The following NCAM1 variants were observed in gnomAD, a reference collection of about 807,000 sequenced individuals.
The protein encoded by NCAM1 is antigen recognized by monoclonal antibody 5.1H11.
Under a neutral mutation model 109.8 loss-of-function variants are expected in NCAM1, and 14 were observed. The ratio of observed to expected loss-of-function variants is 0.13; its 90% CI spans 0.08 to 0.20. The LOEUF is 0.20. NCAM1 is among the 10% of genes least tolerant of loss of function. The pLI, the probability that NCAM1 is intolerant of heterozygous loss-of-function variation, is 1.00. For synonymous variants in NCAM1, 418 were observed against 442.9 expected, an observed-to-expected ratio of 0.94 and a Z score of 0.70; for missense variants, 774 against 1,109.9, an observed-to-expected ratio of 0.70 and a Z score of 4.30.
At chr11:112,980,007 G>A (rs1028545169) in intron 1 of NCAM1, among the ~76,000 whole-genome samples, 11 of 151,654 alleles carry the variant, frequency 7.3e-5, no homozygotes, top group African/African-American at 2.4e-4. Flanking sequence ...GGAATAGAAA[G>A]TACTTCCTTG....
intron 1 of NCAM1, among the ~76,000 whole-genome samples, chr11:113,007,987 T>C (rs1951932012): frequency 2.0e-5 from 3 of 152,150 alleles, no homozygotes; most frequent in South Asian, 4.1e-4. Context: ...CCATAATAGG[T>C]GGAAAATAAA....
chr11:113,086,694 T>C (rs1354700390), intron 1 of NCAM1, among the ~76,000 whole-genome samples: 3 of 152,112 alleles, frequency 2.0e-5, no homozygotes, highest in Non-Finnish European at 4.4e-5. Flanking sequence ...TGCACCAGTT[T>C]AAGGTGAAAA....
chr11:113,122,773 A>C (rs925955134), intron 1 of NCAM1, among the ~76,000 whole-genome samples: 1 of 152,164 alleles, frequency 6.6e-6, no homozygotes, highest in Non-Finnish European at 1.5e-5. Flanking sequence ...AACAAGAGCG[A>C]AACTCCGTCT....
chr11:113,241,319 C>A (rs538011946), intron 14 of NCAM1, among the ~76,000 whole-genome samples: 1 of 152,330 alleles, frequency 6.6e-6, no homozygotes, highest in Non-Finnish European at 1.5e-5. Context: ...TAAATGCATA[C>A]TTTTCTTGTA....
At chr11:113,149,198 G>T (rs1466439825) in intron 1 of NCAM1, among the ~76,000 whole-genome samples, 1 of 152,172 alleles carries the variant, frequency 6.6e-6, no homozygotes, top group Admixed American at 6.5e-5. Flanking sequence ...CCAGCTGGGG[G>T]GGCCTTCCTC....
At chr11:112,965,907 C>T (rs1950717792) in intron 1 of NCAM1, among the ~76,000 whole-genome samples, 1 of 152,116 alleles carries the variant, frequency 6.6e-6, no homozygotes, top group Admixed American at 6.5e-5. Context: ...AACCAATTGG[C>T]AGGCCAGGGA....
intron 1 of NCAM1, among the ~76,000 whole-genome samples, chr11:113,002,060 C>T (rs1017069032): frequency 6.6e-6 from 1 of 152,116 alleles, no homozygotes; most frequent in Non-Finnish European, 1.5e-5. Context: ...CTGGTTAGTT[C>T]GGTTTAGGCC....
At chr11:113,122,140 C>T (rs940331454) in intron 1 of NCAM1, among the ~76,000 whole-genome samples, 1 of 152,192 alleles carries the variant, frequency 6.6e-6, no homozygotes, top group Non-Finnish European at 1.5e-5. Context: ...GCCTTCAGAT[C>T]CCATCCCCTC....
chr11:112,997,320 G>A (rs1391613709), intron 1 of NCAM1, among the ~76,000 whole-genome samples: 1 of 152,016 alleles, frequency 6.6e-6, no homozygotes, highest in Non-Finnish European at 1.5e-5. Flanking sequence ...AAATGAAGGA[G>A]CATAAATTTA....
At chr11:113,104,155 T>C (rs781559947) in intron 1 of NCAM1, among the ~76,000 whole-genome samples, 2 of 139,468 alleles carry the variant, frequency 1.4e-5, no homozygotes, top group Non-Finnish European at 3.1e-5. Flanking sequence ...CCTGACTAGT[T>C]TTCGTTTTGT....
intron 1 of NCAM1, among the ~76,000 whole-genome samples, chr11:113,083,926 A>G (rs782729246): frequency 6.6e-6 from 1 of 152,224 alleles, no homozygotes; most frequent in Non-Finnish European, 1.5e-5. Flanking sequence ...GTGAAGAGCC[A>G]GTTGAACTAA....
chr11:113,276,093 A>G lies in NCAM1; in HGVS notation c.*706A>G, dbSNP rs1946396058. The stretch of plus-strand genomic sequence containing the variant: ...TCTTTTTTCTTTCTTTCTTTCTGCC[A>G]ACTTTGTTTTCCAGTGTTTACAAGG... On this transcript the variant is annotated 3_prime_UTR_variant, in exon 20 of 20. Transcript: ENST00000316851. The G allele has an allele frequency of 6.6e-6, 1 of 152,388 alleles. No individual in the cohort carries two copies. Among genetic ancestry groups the G allele is most frequent in the South Asian group, 2.1e-4 (1 of 4,810 alleles). 9.4% of individuals were successfully genotyped at this position (152,388 alleles called of 1,614,324 possible). A position where few individuals can be genotyped will look rare whatever the true frequency, so the allele number is the denominator to read the frequency against.
chr11:113,252,444 A>G (rs1337302776), intron 15 of NCAM1, among the ~76,000 whole-genome samples: 1 of 150,630 alleles, frequency 6.6e-6, no homozygotes, highest in African/African-American at 2.4e-5. Context: ...AGCATTATGT[A>G]TCCGTCCAAG....
chr11:113,007,298 G>C (rs1332831654), intron 1 of NCAM1, among the ~76,000 whole-genome samples: 2 of 152,080 alleles, frequency 1.3e-5, no homozygotes, highest in Non-Finnish European at 2.9e-5. Flanking sequence ...GGGCTCAAGA[G>C]ATCTTCCTGC....
chr11:113,079,505 A>G (rs1289056149), intron 1 of NCAM1, among the ~76,000 whole-genome samples: 5 of 152,252 alleles, frequency 3.3e-5, no homozygotes, highest in Non-Finnish European at 5.9e-5. Context: ...TGAATTGATT[A>G]GCCAAATTAG....
chr11:113,168,406 G>T (rs574971520), intron 1 of NCAM1, among the ~76,000 whole-genome samples: 1 of 152,092 alleles, frequency 6.6e-6, no homozygotes. Flanking sequence ...ATGTCTGGTC[G>T]TGGCAGCCTC....
At chr11:113,267,337 C>A (rs1356322723) in intron 17 of NCAM1, among the ~76,000 whole-genome samples, 1 of 151,976 alleles carries the variant, frequency 6.6e-6, no homozygotes, top group Non-Finnish European at 1.5e-5. Flanking sequence ...ATGGCTAGAT[C>A]ATAAGCATGT....
At chr11:113,192,891 A>T (rs1943727620) in intron 1 of NCAM1, among the ~76,000 whole-genome samples, 1 of 152,002 alleles carries the variant, frequency 6.6e-6, no homozygotes, top group African/African-American at 2.4e-5. Flanking sequence ...CCTGGCCATG[A>T]CTCCAACATA....
At chr11:112,966,815 A>G (rs782220450) in intron 1 of NCAM1, among the ~76,000 whole-genome samples, 6 of 152,260 alleles carry the variant, frequency 3.9e-5, no homozygotes, top group Admixed American at 1.3e-4. Flanking sequence ...TGCTCAGGCC[A>G]TGTCTACATG....
Sources: gnomAD v4.1 joint callset for allele counts (sites outside exome capture counted in the v4.1 genomes callset) on GRCh38, gnomAD v4.1.1 for gene constraint, MANE v1.5 for transcripts, NCBI Gene and HGNC (gene_info 2026-07-23, HGNC 2026-07-21) for gene names.